The following CFDP1 variants were observed in gnomAD, a reference collection of about 807,000 sequenced individuals.
CFDP1 encodes the protein chromatin remodeling protein CFDP1.
A neutral mutation model predicts 40.1 loss-of-function variants in CFDP1; 31 were observed. That is an observed-to-expected ratio of 0.77 (90% CI 0.58 to 1.04). The LOEUF (loss-of-function observed/expected upper bound fraction) is 1.04. CFDP1 is among the 50% of genes least tolerant of loss of function. The pLI, the probability that CFDP1 is intolerant of heterozygous loss-of-function variation, is 0.00. For missense variants in CFDP1, 423 were observed against 343.4 expected (o/e 1.23, Z -1.83); for synonymous variants, 167 against 120.0 (o/e 1.39, Z -2.56).
rs1281826055 is a variant in CFDP1 at position 75,333,122 on chromosome 16, C to CT, written c.651-27941dup. Reference sequence around the variant, plus strand: ...TGCGCCCAGCCAGCCTACTCATGTTCTTTTTTTTTTTTTTTTTTTGAGATG... The same window carrying CT: ...TGCGCCCAGCCAGCCTACTCATGTTCTTTTTTTTTTTTTTTTTTTTGAGATG... On this transcript the variant is annotated intron_variant, in intron 5 of 6. Transcript: ENST00000283882. 9.2e-3 allele frequency among the ~76,000 whole-genome samples: 800 copies of CT among 87,168 alleles called. 20 individuals carry two copies. Among genetic ancestry groups the CT allele is most frequent in the East Asian group, 0.082 (230 of 2,812 alleles). 57.2% of individuals were successfully genotyped at this position (87,168 alleles called of 152,430 possible).
chr16:75,396,764 TAAAG>T (rs1343639195), intron 4 of CFDP1, among the ~76,000 whole-genome samples: 1 of 146,582 alleles, frequency 6.8e-6, no homozygotes, highest in African/African-American at 2.5e-5. Flanking sequence ...AGAATTCAGA[TAAAG>T]AGAGAAAGAG....
chr16:75,345,082 T>G (rs1289024829), intron 5 of CFDP1, among the ~76,000 whole-genome samples: 2 of 151,610 alleles, frequency 1.3e-5, no homozygotes, highest in East Asian at 3.9e-4. Context: ...TCCCAGCACT[T>G]TGGGAGACTG....
chr16:75,301,243 G>A (rs891357103), intron 6 of CFDP1, among the ~76,000 whole-genome samples: 18 of 152,116 alleles, frequency 1.2e-4, no homozygotes, highest in African/African-American at 4.1e-4. Context: ...AGAAAATGGG[G>A]CTAGTACCTA....
intron 5 of CFDP1, among the ~76,000 whole-genome samples, chr16:75,371,360 T>C (rs764978681): frequency 3.9e-5 from 6 of 152,188 alleles, no homozygotes; most frequent in Non-Finnish European, 8.8e-5. Flanking sequence ...TATATCTCTC[T>C]CTAAAGATGA....
At position 75,352,007 on chromosome 16, in the gene CFDP1, C is replaced by CAAAAA. The variant is rs3975153; in HGVS notation, c.650+43078_650+43082dup. 1.0e-3 allele frequency among the ~76,000 whole-genome samples: 89 copies of CAAAAA among 86,758 alleles called. 3 individuals carry two copies. Among genetic ancestry groups the CAAAAA allele is most frequent in the Non-Finnish European group, 1.4e-3 (68 of 47,598 alleles). The allele number at this position is 86,758 out of a possible 152,430, so 56.9% of individuals were successfully genotyped here. A position where few individuals can be genotyped will look rare whatever the true frequency, so the allele number is the denominator to read the frequency against. On this transcript the variant is annotated intron_variant, in intron 5 of 6. Transcript: ENST00000283882. ...TGGGCGACAGACTGAGACTCTGTCT[C>CAAAAA]AAAAAAAAAAAAAAAAAAAAAAAAA...
At chr16:75,422,996 T>G (rs2151598246) in intron 1 of CFDP1, among the ~76,000 whole-genome samples, 1 of 151,370 alleles carries the variant, frequency 6.6e-6, no homozygotes, top group Non-Finnish European at 1.5e-5. Flanking sequence ...AAATAAAAAA[T>G]TAGGCCGGGC....
intron 5 of CFDP1, among the ~76,000 whole-genome samples, chr16:75,370,791 G>C (rs1308842504): frequency 6.6e-6 from 1 of 152,120 alleles, no homozygotes; most frequent in Non-Finnish European, 1.5e-5. Flanking sequence ...GAACCCAGCA[G>C]GCAGAGGCTG....
At chr16:75,329,953 T>TCCC (rs1275847011) in intron 5 of CFDP1, among the ~76,000 whole-genome samples, 1 of 152,142 alleles carries the variant, frequency 6.6e-6, no homozygotes, top group African/African-American at 2.4e-5. Flanking sequence ...TTCCTCCTCC[T>TCCC]CCCTCAAACA....
intron 5 of CFDP1, among the ~76,000 whole-genome samples, chr16:75,383,002 A>C (rs554555201): frequency 1.3e-5 from 2 of 152,362 alleles, no homozygotes; most frequent in East Asian, 1.9e-4. Context: ...GGAAATGCTA[A>C]TAATCAAAAG....
intron 5 of CFDP1, among the ~76,000 whole-genome samples, chr16:75,387,285 C>A (rs190199276): frequency 1.3e-5 from 2 of 152,126 alleles, no homozygotes; most frequent in African/African-American, 4.8e-5. Flanking sequence ...GGACTACAGG[C>A]GCCCACCACC....
chr16:75,366,730 C>T (rs1252214673), intron 5 of CFDP1, among the ~76,000 whole-genome samples: 1 of 152,130 alleles, frequency 6.6e-6, no homozygotes, highest in Non-Finnish European at 1.5e-5. Context: ...GAAAGCAGAT[C>T]AGTGGTTGTC....
intron 5 of CFDP1, among the ~76,000 whole-genome samples, chr16:75,333,581 T>C (rs1479761466): frequency 6.6e-6 from 1 of 152,238 alleles, no homozygotes; most frequent in African/African-American, 2.4e-5. Context: ...CAATTCTCTA[T>C]CTTAGCAAAT....
intron 2 of CFDP1, among the ~76,000 whole-genome samples, chr16:75,413,235 C>A (rs1271596763): frequency 1.3e-5 from 2 of 152,162 alleles, no homozygotes; most frequent in African/African-American, 4.8e-5. Flanking sequence ...ATCCATGTTT[C>A]TTCCCACTTT....
rs917439383 is a variant in CFDP1 at position 75,414,678 on chromosome 16, C to T, written c.82G>A (p.Asp28Asn). 3.1e-6 allele frequency: 5 copies of T among 1,607,098 alleles called. No homozygotes were observed. The highest frequency in any genetic ancestry group is 4.3e-6 in the Non-Finnish European group (5 of 1,173,860). Residue 28 changes from aspartate (D) to asparagine (N), a missense_variant, in exon 2 of 7, where the codon GAT (aspartate) becomes AAT (asparagine). Transcript: ENST00000283882. ...YVPSGGEYSE[D>N]DVNELVKEDE... Reference sequence around the variant, plus strand: ...TCCTTCACTAATTCATTTACATCATCTTCACTATACTCTCCACCTGAAATC... The same window carrying T: ...TCCTTCACTAATTCATTTACATCATTTTCACTATACTCTCCACCTGAAATC...
chr16:75,352,255 C>A (rs2078617993), intron 5 of CFDP1, among the ~76,000 whole-genome samples: 1 of 151,838 alleles, frequency 6.6e-6, no homozygotes. Context: ...GCAGGAGAAT[C>A]GCTTGAACCC....
chr16:75,391,582 A>C (rs2078951181), intron 5 of CFDP1: 1 of 152,252 alleles, frequency 6.6e-6, no homozygotes. Context: ...ACCAAATTTT[A>C]ATCTCACCTT....
chr16:75,345,690 A>G (rs899860592), intron 5 of CFDP1, among the ~76,000 whole-genome samples: 2 of 152,260 alleles, frequency 1.3e-5, no homozygotes, highest in African/African-American at 4.8e-5. Flanking sequence ...GAGTTTGGTA[A>G]TAAGAGATCA....
chr16:75,430,092 G>C (rs1290745880), intron 1 of CFDP1, among the ~76,000 whole-genome samples: 1 of 152,192 alleles, frequency 6.6e-6, no homozygotes, highest in Non-Finnish European at 1.5e-5. Context: ...TTTCTTGTTG[G>C]CAACAGGTTG....
intron 5 of CFDP1, among the ~76,000 whole-genome samples, chr16:75,315,916 T>A (rs192108350): frequency 9.4e-4 from 143 of 152,328 alleles, no homozygotes; most frequent in African/African-American, 3.3e-3. Context: ...TCAAAATGCA[T>A]CACATTTCAA....
Sources: gnomAD v4.1 joint callset for allele counts (sites outside exome capture counted in the v4.1 genomes callset) on GRCh38, gnomAD v4.1.1 for gene constraint, MANE v1.5 for transcripts, NCBI Gene and HGNC (gene_info 2026-07-23, HGNC 2026-07-21) for gene names.